The following SYN3 variants were observed in gnomAD, a reference collection of about 807,000 sequenced individuals.
SYN3 encodes the protein synapsin-3.
SYN3 carries 35 observed loss-of-function variants against 65.8 expected under a neutral mutation model. The ratio of observed to expected loss-of-function variants is 0.53; its 90% CI spans 0.41 to 0.70. The LOEUF is 0.70. Ranked by LOEUF, SYN3 falls within the 30% of genes least tolerant of loss-of-function variation. The probability of loss-of-function intolerance (pLI) is 0.00; values close to 1 mark genes in which losing one functional copy is unlikely to be tolerated. For missense variants in SYN3, 680 were observed against 749.0 expected (o/e 0.91, Z 1.08); for synonymous variants, 270 against 292.9 (o/e 0.92, Z 0.80).
intron 2 of SYN3, among the ~76,000 whole-genome samples, chr22:33,002,958 G>A (rs1270363736): frequency 1.3e-5 from 2 of 152,174 alleles, no homozygotes; most frequent in Non-Finnish European, 2.9e-5. Flanking sequence ...CCCCCATGCT[G>A]CTGCTCTTGT....
At chr22:32,637,538 T>C (rs578109971) in intron 6 of SYN3, among the ~76,000 whole-genome samples, 1 of 152,244 alleles carries the variant, frequency 6.6e-6, no homozygotes, top group South Asian at 2.1e-4. Context: ...CCTGGGCGTA[T>C]TGCATGATGC....
At chr22:32,646,115 G>C (rs2059980479) in intron 6 of SYN3, among the ~76,000 whole-genome samples, 1 of 152,202 alleles carries the variant, frequency 6.6e-6, no homozygotes, top group Non-Finnish European at 1.5e-5. Flanking sequence ...ACTGAGGTAT[G>C]AGAATAGCAG....
At chr22:32,688,834 C>T (rs1421630452) in intron 6 of SYN3, among the ~76,000 whole-genome samples, 1 of 152,206 alleles carries the variant, frequency 6.6e-6, no homozygotes, top group East Asian at 1.9e-4. Context: ...CTGAAGCAGT[C>T]CTCAGCGGGT....
At chr22:32,560,092 G>A (rs1006887910) in intron 7 of SYN3, among the ~76,000 whole-genome samples, 88 of 152,378 alleles carry the variant, frequency 5.8e-4, no homozygotes, top group Non-Finnish European at 5.9e-5. Flanking sequence ...CACTGCGCAT[G>A]CAGACAGCCC....
At chr22:32,824,358 ATT>A (rs130289) in intron 6 of SYN3, among the ~76,000 whole-genome samples, 2 of 148,970 alleles carry the variant, frequency 1.3e-5, no homozygotes, top group East Asian at 2.0e-4. Flanking sequence ...ACAGATTACT[ATT>A]TTTTTTTTGT....
intron 7 of SYN3, among the ~76,000 whole-genome samples, chr22:32,569,507 CATCT>C (rs1192462572): frequency 6.7e-6 from 1 of 149,458 alleles, no homozygotes; most frequent in African/African-American, 2.5e-5. Flanking sequence ...TAAAATGTAT[CATCT>C]ATCTATATCT....
chr22:32,567,634 C>T (rs1232742370), intron 7 of SYN3, among the ~76,000 whole-genome samples: 2 of 151,960 alleles, frequency 1.3e-5, no homozygotes, highest in East Asian at 1.9e-4. Flanking sequence ...ACTGTGTGGT[C>T]GGGGAGAGGG....
At chr22:32,878,857 A>G (rs1194835753) in intron 4 of SYN3, among the ~76,000 whole-genome samples, 2 of 152,214 alleles carry the variant, frequency 1.3e-5, no homozygotes, top group East Asian at 3.8e-4. Flanking sequence ...AGGAATAAGC[A>G]AATGGGGCCC....
chr22:32,661,748 G>A (rs750669793), intron 6 of SYN3, among the ~76,000 whole-genome samples: 68 of 152,124 alleles, frequency 4.5e-4, no homozygotes, highest in Non-Finnish European at 8.1e-4. Context: ...CATCTGGAAC[G>A]GAAGGGAATA....
At chr22:32,956,054 ATATATAT>A (rs2051445990) in intron 3 of SYN3, among the ~76,000 whole-genome samples, 1 of 148,086 alleles carries the variant, frequency 6.8e-6, no homozygotes, top group Admixed American at 6.7e-5. Flanking sequence ...ATATATATAT[ATATATAT>A]AAAATCTCCT....
intron 3 of SYN3, among the ~76,000 whole-genome samples, chr22:32,971,077 T>C (rs1250757531): frequency 6.6e-6 from 1 of 152,234 alleles, no homozygotes; most frequent in Non-Finnish European, 1.5e-5. Context: ...AAACACTTAA[T>C]GCGGCACCTA....
intron 6 of SYN3, among the ~76,000 whole-genome samples, chr22:32,749,818 T>C (rs2045057682): frequency 6.6e-6 from 1 of 152,186 alleles, no homozygotes. Context: ...TGAACTGTGG[T>C]TGGAAGGAAG....
At chr22:32,569,571 C>CTCTATA (rs1205661126) in intron 7 of SYN3, among the ~76,000 whole-genome samples, 42 of 90,926 alleles carry the variant, frequency 4.6e-4, no homozygotes, top group African/African-American at 8.9e-4. Context: ...CTCTCTCTCT[C>CTCTATA]TATATATATA....
intron 7 of SYN3, among the ~76,000 whole-genome samples, chr22:32,568,019 A>G (rs1472707019): frequency 1.3e-5 from 2 of 152,230 alleles, no homozygotes; most frequent in Non-Finnish European, 2.9e-5. Flanking sequence ...GGACGGTCAC[A>G]GCTGCATAAA....
At chr22:32,552,221 G>A (rs1057357465) in intron 7 of SYN3, among the ~76,000 whole-genome samples, 4 of 152,218 alleles carry the variant, frequency 2.6e-5, no homozygotes, top group African/African-American at 4.8e-5. Flanking sequence ...ACTCCAGCCC[G>A]GGTGACAGAG....
intron 7 of SYN3, among the ~76,000 whole-genome samples, chr22:32,564,594 C>A (rs1490692812): frequency 6.6e-6 from 1 of 151,636 alleles, no homozygotes; most frequent in Non-Finnish European, 1.5e-5. Flanking sequence ...CCAAACAGTG[C>A]TCCCGGACTA....
chr22:32,908,684 A>G (rs561691274), intron 4 of SYN3, among the ~76,000 whole-genome samples: 9 of 152,278 alleles, frequency 5.9e-5, no homozygotes, highest in Non-Finnish European at 1.0e-4. Flanking sequence ...TGTGTGTGTC[A>G]TGCCATAATG....
chr22:32,834,938 A>G (rs1365198102), intron 6 of SYN3, among the ~76,000 whole-genome samples: 2 of 152,178 alleles, frequency 1.3e-5, no homozygotes, highest in African/African-American at 4.8e-5. Context: ...GTCAGAATGA[A>G]CTAGTGGCCT....
At chr22:33,006,250 C>G (rs1042186207) in intron 2 of SYN3, 102 bp downstream of exon 2, 1 of 1,363,736 alleles carries the variant, frequency 7.3e-7, no homozygotes, top group African/African-American at 1.5e-5. Flanking sequence ...TGATAGCACC[C>G]AAGCCTCTCA....
Sources: allele counts gnomAD v4.1 joint callset (sites outside exome capture counted in the v4.1 genomes callset), GRCh38; gene constraint gnomAD v4.1.1; transcripts MANE v1.5; gene names NCBI Gene and HGNC (gene_info 2026-07-23, HGNC 2026-07-21).